PCSK5: variants seen among roughly 807,000 people sequenced by gnomAD.
PCSK5 encodes the protein proprotein convertase subtilisin/kexin type 5.
In PCSK5, 129 loss-of-function variants were observed where a neutral mutation model predicts 233.2. The observed-to-expected ratio is 0.55, with a 90% CI of 0.48 to 0.64. The LOEUF (loss-of-function observed/expected upper bound fraction) is 0.64. PCSK5 is among the 30% of genes least tolerant of loss of function. PCSK5 has a pLI of 0.00. For synonymous variants in PCSK5, 825 were observed against 879.2 expected, an observed-to-expected ratio of 0.94 and a Z score of 1.09; for missense variants, 2,076 against 2,430.1, an observed-to-expected ratio of 0.85 and a Z score of 3.06.
intron 3 of PCSK5, among the ~76,000 whole-genome samples, chr9:76,017,023 T>C (rs1827975135): frequency 6.6e-6 from 1 of 152,220 alleles, no homozygotes; most frequent in African/African-American, 2.4e-5. Context: ...AATGATCTTA[T>C]GTCAAGACTG....
chr9:75,945,875 A>G (rs1025351413), intron 2 of PCSK5, among the ~76,000 whole-genome samples: 20 of 152,136 alleles, frequency 1.3e-4, no homozygotes, highest in African/African-American at 4.6e-4. Context: ...GACCTCCCTC[A>G]ATATCCTTGC....
rs149075740 is a variant in PCSK5, at chr9:75,932,134, T to C, written c.193-245T>C. Among the ~76,000 whole-genome samples, 17 of 152,352 alleles carry C rather than the reference T, an allele frequency of 1.1e-4. No individual in the cohort carries two copies. The East Asian group carries it at 3.1e-3, about 28-fold the overall frequency. Reference sequence around the variant, plus strand: ...AAAAGGAGATTTGGAGAGGCTAAGCTGCCCCATTATAATCTTCAGTTCCGC... The same window carrying C: ...AAAAGGAGATTTGGAGAGGCTAAGCCGCCCCATTATAATCTTCAGTTCCGC... On this transcript the variant is annotated intron_variant, in intron 1 of 37. Coordinates refer to ENST00000674117, the MANE Select transcript of PCSK5 (RefSeq NM_001372043.1).
chr9:76,194,669 G>A, intron 20 of PCSK5: 1 of 431,562 alleles, frequency 2.3e-6, no homozygotes, highest in Non-Finnish European at 4.7e-6. Flanking sequence ...ATCGAAACTA[G>A]AAGACTGAAT....
At chr9:75,932,302 A>G in intron 1 of PCSK5, 77 bp from the exon 2 acceptor site, 1 of 890,664 alleles carries the variant, frequency 1.1e-6, no homozygotes, top group Non-Finnish European at 1.8e-6. Context: ...TTTTAAATGA[A>G]AAACAGGAAA....
chr9:76,196,173 T>TATCA (rs1264955197), intron 20 of PCSK5, among the ~76,000 whole-genome samples: 1 of 152,256 alleles, frequency 6.6e-6, no homozygotes, highest in Non-Finnish European at 1.5e-5. Flanking sequence ...GTATTGTTTC[T>TATCA]ATCAGATTGT....
intron 3 of PCSK5, 144 bp downstream of exon 3, chr9:75,986,389 A>C: frequency 1.8e-6 from 1 of 570,964 alleles, no homozygotes; most frequent in Admixed American, 3.3e-5. Flanking sequence ...AGATTGGTTA[A>C]TGGCCTATGA....
rs116733565 is a variant in PCSK5, at chr9:76,182,691, C to G, written c.2197+1100C>G. 9.9e-3 allele frequency among the ~76,000 whole-genome samples: 1,506 copies of G among 152,190 alleles called. 29 individuals carry two copies. The highest frequency in any genetic ancestry group is 0.034 in the African/African-American group (1,407 of 41,514). On this transcript the variant is annotated intron_variant, in intron 16 of 37. Coordinates refer to ENST00000674117, the MANE Select transcript of PCSK5 (RefSeq NM_001372043.1). ...TAAGGTAGACCTATTAGACAGTGCT[C>G]TAGTGTGGCTCTGAAAAGGACTGCA...
intron 1 of PCSK5, among the ~76,000 whole-genome samples, chr9:75,897,618 C>G (rs1265955478): frequency 6.6e-6 from 1 of 151,676 alleles, no homozygotes; most frequent in Non-Finnish European, 1.5e-5. Context: ...CTCAGCCTCC[C>G]TAGGAACTGG....
chr9:76,227,584 G>A lies in PCSK5; in HGVS notation c.2708G>A (p.Cys903Tyr). 1 of 1,610,062 alleles carries A rather than the reference G, an allele frequency of 6.2e-7. No individual in the cohort carries two copies. The highest frequency in any genetic ancestry group is 8.5e-7 in the Non-Finnish European group (1 of 1,178,140). The change falls in exon 21 of 38, where the codon TGC (cysteine) becomes TAC (tyrosine). Residue 903 changes from cysteine to tyrosine, a missense_variant. This residue lies in a region of PCSK5 where 1,510 missense variants were observed against 1,538.1 expected (regional missense o/e 0.98). Transcript: ENST00000674117. Reference sequence around the variant, plus strand: ...TGCCAGGGACCAACCCAGGAAGACTGCACTACCTGCCCCATGACAAGGTAA... The same window carrying A: ...TGCCAGGGACCAACCCAGGAAGACTACACTACCTGCCCCATGACAAGGTAA... Reference protein sequence around the residue: ...AKCQGPTQEDCTTCPMTRIFD... With the variant: ...AKCQGPTQEDYTTCPMTRIFD...
chr9:75,906,752 A>G (rs138898724), intron 1 of PCSK5, among the ~76,000 whole-genome samples: 17 of 152,260 alleles, frequency 1.1e-4, no homozygotes, highest in African/African-American at 4.1e-4. Flanking sequence ...AGTAGCTCCC[A>G]TTTGCCTATT....
At chr9:76,121,747 C>T (rs973397459) in intron 9 of PCSK5, among the ~76,000 whole-genome samples, 1 of 151,676 alleles carries the variant, frequency 6.6e-6, no homozygotes, top group South Asian at 2.1e-4. Flanking sequence ...AGGAAACCAT[C>T]TGGCCTCAAA....
At chr9:75,950,882 G>T (rs910717703) in intron 2 of PCSK5, among the ~76,000 whole-genome samples, 1 of 152,186 alleles carries the variant, frequency 6.6e-6, no homozygotes, top group African/African-American at 2.4e-5. Flanking sequence ...CCAATTAAAA[G>T]ACACAAACAA....
chr9:76,021,761 G>A (rs2131481109), intron 3 of PCSK5, among the ~76,000 whole-genome samples: 1 of 152,296 alleles, frequency 6.6e-6, no homozygotes. Flanking sequence ...GGCATTGGAG[G>A]CACCTGTAAG....
At position 76,354,065 on chromosome 9, in the gene PCSK5, G is replaced by C; in HGVS notation, c.5100G>C (p.Glu1700Asp). Residue 1700 changes from glutamate to aspartate, a missense_variant, in exon 37 of 38, where the codon GAG becomes GAC. By Grantham distance (45) the Glu-to-Asp change is conservative. Transcript: ENST00000674117. ...GEKFNCEKCH[E>D]SCMECKGPGA... Reference sequence around the variant, plus strand: ...AGTTTAACTGTGAAAAATGCCACGAGAGCTGCATGGAATGCAAGGGACCAG... The same window carrying C: ...AGTTTAACTGTGAAAAATGCCACGACAGCTGCATGGAATGCAAGGGACCAG... 6.2e-7 allele frequency: 1 copy of C among 1,610,130 alleles called. No homozygotes were observed. The highest frequency in any genetic ancestry group is 8.5e-7 in the Non-Finnish European group (1 of 1,178,768).
intron 24 of PCSK5, among the ~76,000 whole-genome samples, chr9:76,264,531 G>T (rs2131364700): frequency 6.6e-6 from 1 of 151,864 alleles, no homozygotes; most frequent in Non-Finnish European, 1.5e-5. Flanking sequence ...TCTGACAAAG[G>T]TTTAACATCC....
intron 21 of PCSK5, among the ~76,000 whole-genome samples, chr9:76,231,329 C>A (rs1026339832): frequency 6.6e-6 from 1 of 152,238 alleles, no homozygotes; most frequent in South Asian, 2.1e-4. Flanking sequence ...TGGTCCCTCC[C>A]ACGACTCGGA....
intron 20 of PCSK5, among the ~76,000 whole-genome samples, chr9:76,196,541 G>A (rs745502413): frequency 6.6e-6 from 1 of 152,180 alleles, no homozygotes. Context: ...TTGGGGAAAA[G>A]AAATTGTAAA....
At chr9:76,001,432 A>G (rs374678706) in intron 3 of PCSK5, among the ~76,000 whole-genome samples, 19 of 137,872 alleles carry the variant, frequency 1.4e-4, no homozygotes, top group African/African-American at 5.2e-4. Context: ...TCTTTGTTAC[A>G]TATTACATGA....
At chr9:76,272,575 C>T (rs888072367) in intron 24 of PCSK5, among the ~76,000 whole-genome samples, 2 of 151,672 alleles carry the variant, frequency 1.3e-5, no homozygotes, top group African/African-American at 2.4e-5. Context: ...GAGATTGAGA[C>T]CATCCTGGCC....
Sources: allele counts gnomAD v4.1 joint callset (sites outside exome capture counted in the v4.1 genomes callset), GRCh38; gene constraint gnomAD v4.1.1; regional missense constraint gnomAD v4.1.1; transcripts MANE v1.5; gene names NCBI Gene and HGNC (gene_info 2026-07-23, HGNC 2026-07-21).